The following LRMDA variants were observed in gnomAD, a reference collection of about 807,000 sequenced individuals.
LRMDA encodes leucine rich melanocyte differentiation associated.
Under a neutral mutation model 29.8 loss-of-function variants are expected in LRMDA, and 18 were observed. The observed-to-expected ratio is 0.60, with a 90% CI of 0.42 to 0.90. LRMDA has a LOEUF of 0.90. Among genes scored for constraint, LRMDA ranks in the 40% least tolerant of loss-of-function variants. The pLI is 0.00. For synonymous variants in LRMDA, 125 were observed against 109.4 expected, an observed-to-expected ratio of 1.14 and a Z score of -0.89; for missense variants, 273 against 273.9, an observed-to-expected ratio of 1.00 and a Z score of 0.02.
chr10:75,669,582 G>A (rs1206147560), intron 2 of LRMDA, among the ~76,000 whole-genome samples: 1 of 152,142 alleles, frequency 6.6e-6, no homozygotes, highest in East Asian at 1.9e-4. Context: ...CAGTAAATTT[G>A]CAGCTGATAA....
chr10:75,854,828 C>T (rs999848349), intron 2 of LRMDA, among the ~76,000 whole-genome samples: 5 of 150,302 alleles, frequency 3.3e-5, no homozygotes, highest in Non-Finnish European at 5.9e-5. Context: ...TTTGATTTTT[C>T]GTTCTTGTGA....
At chr10:75,903,503 C>T (rs1460230849) in intron 2 of LRMDA, among the ~76,000 whole-genome samples, 2 of 152,206 alleles carry the variant, frequency 1.3e-5, no homozygotes, top group Non-Finnish European at 2.9e-5. Flanking sequence ...GATAAATTAC[C>T]ACATTACTGC....
At chr10:76,179,641 AT>A (rs1467089216) in intron 5 of LRMDA, among the ~76,000 whole-genome samples, 45 of 152,224 alleles carry the variant, frequency 3.0e-4, no homozygotes, top group African/African-American at 9.9e-4. Context: ...GCATAGGGAG[AT>A]TTATTCTTTG....
chr10:76,270,037 C>A (rs113341979), intron 5 of LRMDA, among the ~76,000 whole-genome samples: 1 of 152,130 alleles, frequency 6.6e-6, no homozygotes, highest in Non-Finnish European at 1.5e-5. Context: ...TTTTGTTCCC[C>A]GTCAGTATTT....
chr10:76,207,617 TATCCAATGG>T (rs1325802904), intron 5 of LRMDA, among the ~76,000 whole-genome samples: 6 of 152,208 alleles, frequency 3.9e-5, no homozygotes, highest in African/African-American at 1.2e-4. Flanking sequence ...CACCCCTACC[TATCCAATGG>T]GATCATCTCG....
intron 5 of LRMDA, among the ~76,000 whole-genome samples, chr10:76,237,624 CAGCA>C (rs1564695907): frequency 6.6e-6 from 1 of 152,094 alleles, no homozygotes; most frequent in East Asian, 1.9e-4. Context: ...AAAGTGGGAG[CAGCA>C]AGCAATTTCC....
At chr10:75,837,212 G>A (rs965979092) in intron 2 of LRMDA, among the ~76,000 whole-genome samples, 1 of 152,104 alleles carries the variant, frequency 6.6e-6, no homozygotes, top group African/African-American at 2.4e-5. Flanking sequence ...AGAGAATATA[G>A]CAAAATATTC....
chr10:76,158,070 T>G (rs1850573472), intron 5 of LRMDA, among the ~76,000 whole-genome samples: 1 of 152,204 alleles, frequency 6.6e-6, no homozygotes, highest in Admixed American at 6.5e-5. Flanking sequence ...TATCATTATG[T>G]GATATTTGAC....
chr10:76,080,426 T>C (rs1216436346), intron 5 of LRMDA, among the ~76,000 whole-genome samples: 8 of 152,202 alleles, frequency 5.3e-5, no homozygotes, highest in South Asian at 2.1e-4. Flanking sequence ...CACTGAGCTA[T>C]ACTGAGACAG....
intron 2 of LRMDA, among the ~76,000 whole-genome samples, chr10:75,861,975 C>T (rs904248700): frequency 6.6e-6 from 1 of 152,086 alleles, no homozygotes. Flanking sequence ...GCTATCCCCC[C>T]CAAGATTCTT....
chr10:76,132,750 G>A (rs1283662715), intron 5 of LRMDA, among the ~76,000 whole-genome samples: 1 of 152,116 alleles, frequency 6.6e-6, no homozygotes, highest in Admixed American at 6.6e-5. Context: ...GAAACTTACA[G>A]AGTCTTGACC....
chr10:76,264,798 T>G (rs576078912), intron 5 of LRMDA, among the ~76,000 whole-genome samples: 1 of 152,208 alleles, frequency 6.6e-6, no homozygotes, highest in African/African-American at 2.4e-5. Context: ...TGGAGAGAGA[T>G]AAGAATCATG....
At chr10:75,580,682 C>T (rs1438937865) in intron 2 of LRMDA, among the ~76,000 whole-genome samples, 12 of 152,282 alleles carry the variant, frequency 7.9e-5, no homozygotes, top group East Asian at 5.8e-4. Context: ...TACAAGGCTA[C>T]AGTAACCAAA....
At chr10:75,772,232 TG>T (rs564772675) in intron 2 of LRMDA, among the ~76,000 whole-genome samples, 236 of 152,326 alleles carry the variant, frequency 1.5e-3, no homozygotes, top group African/African-American at 5.5e-3. Context: ...TCATTAAAGT[TG>T]TTTATTTTTG....
intron 2 of LRMDA, among the ~76,000 whole-genome samples, chr10:75,919,888 G>A (rs1247692853): frequency 1.3e-5 from 2 of 152,082 alleles, no homozygotes. Flanking sequence ...CGTCCGAGTA[G>A]GCAGCATTTT....
intron 2 of LRMDA, among the ~76,000 whole-genome samples, chr10:75,894,232 TG>T (rs1425016726): frequency 6.6e-6 from 1 of 152,054 alleles, no homozygotes; most frequent in Admixed American, 6.5e-5. Context: ...CTTATGCCTT[TG>T]TGTCATCATA....
rs1284673095 is a variant in LRMDA at position 76,531,552 on chromosome 10, A to AT, written c.602-25650dup. 2.0e-5 allele frequency among the ~76,000 whole-genome samples: 3 copies of AT among 151,850 alleles called. No homozygotes were observed. In the South Asian group the frequency reaches 6.2e-4, roughly 32 times the overall value. On this transcript the variant is annotated intron_variant, in intron 6 of 6. Coordinates refer to ENST00000611255, the MANE Select transcript of LRMDA (RefSeq NM_001305581.2). ...TTTCTGCATCAATTGAAATGATTTTATTTTTTTAAATTGGTTGATATAAAT... is the reference window on the plus strand; with the variant it reads ...TTTCTGCATCAATTGAAATGATTTTATTTTTTTTAAATTGGTTGATATAAAT...
intron 2 of LRMDA, among the ~76,000 whole-genome samples, chr10:75,629,121 T>C (rs1309596708): frequency 6.6e-6 from 1 of 152,186 alleles, no homozygotes; most frequent in Non-Finnish European, 1.5e-5. Flanking sequence ...CACAGAGCAC[T>C]CAGTTACCTC....
chr10:75,775,242 C>T (rs539100665), intron 2 of LRMDA, among the ~76,000 whole-genome samples: 30 of 152,246 alleles, frequency 2.0e-4, no homozygotes, highest in African/African-American at 7.2e-4. Flanking sequence ...GGAGATTTTC[C>T]TCTTATAAAT....
Sources: gnomAD v4.1 joint callset for allele counts (sites outside exome capture counted in the v4.1 genomes callset) on GRCh38, gnomAD v4.1.1 for gene constraint, MANE v1.5 for transcripts, NCBI Gene and HGNC (gene_info 2026-07-23, HGNC 2026-07-21) for gene names.